The following HPSE2 variants were observed in gnomAD, a reference collection of about 807,000 sequenced individuals.
HPSE2 encodes the protein heparanase 2 (inactive).
HPSE2 carries 38 observed loss-of-function variants against 60.5 expected under a neutral mutation model. The observed-to-expected ratio is 0.63, with a 90% CI of 0.48 to 0.82. The LOEUF is 0.82. Among genes scored for constraint, HPSE2 ranks in the 40% least tolerant of loss-of-function variants. The probability of loss-of-function intolerance (pLI) is 0.00; values close to 1 mark genes in which losing one functional copy is unlikely to be tolerated. For synonymous variants in HPSE2, 295 were observed against 293.2 expected (o/e 1.01, Z -0.06); for missense variants, 713 against 740.4 (o/e 0.96, Z 0.43).
At chr10:99,304,953 G>C in the HPSE2 span, among the ~76,000 whole-genome samples, 2 of 152,194 alleles carry the variant, frequency 1.3e-5, no homozygotes, top group Admixed American at 6.5e-5. Flanking sequence ...GAATTTTCTA[G>C]AGTCTATGAA....
intron 4 of HPSE2, among the ~76,000 whole-genome samples, chr10:98,731,401 A>G (rs1055679913): frequency 6.6e-6 from 1 of 152,230 alleles, no homozygotes; most frequent in Admixed American, 6.5e-5. Context: ...CAACATATGA[A>G]AAGTATTATA....
At chr10:98,683,249 G>C (rs889636465) in intron 6 of HPSE2, among the ~76,000 whole-genome samples, 1 of 151,892 alleles carries the variant, frequency 6.6e-6, no homozygotes. Flanking sequence ...AGAGATTCAG[G>C]GACCATCAGA....
At chr10:99,190,271 T>C (rs1329951525) in intron 2 of HPSE2, among the ~76,000 whole-genome samples, 3 of 152,226 alleles carry the variant, frequency 2.0e-5, no homozygotes, top group African/African-American at 7.2e-5. Context: ...GGGTTAGATG[T>C]CTTTACTTCA....
chr10:98,713,052 A>T (rs1948711985), intron 5 of HPSE2, among the ~76,000 whole-genome samples: 1 of 152,040 alleles, frequency 6.6e-6, no homozygotes, highest in Admixed American at 6.6e-5. Context: ...TGACTCAAGA[A>T]AGCACTCTGA....
At chr10:98,478,643 G>C (rs1298126524) in intron 11 of HPSE2, among the ~76,000 whole-genome samples, 4 of 152,172 alleles carry the variant, frequency 2.6e-5, no homozygotes, top group Non-Finnish European at 5.9e-5. Context: ...TTGGTTTTCT[G>C]TCATTTTGGA....
chr10:98,690,599 T>A (rs770845434), intron 6 of HPSE2, among the ~76,000 whole-genome samples: 2 of 151,890 alleles, frequency 1.3e-5, no homozygotes, highest in African/African-American at 4.8e-5. Flanking sequence ...TAAAAGTAGA[T>A]CTCATGCAGT....
At chr10:98,549,770 T>C (rs1411869023) in intron 9 of HPSE2, among the ~76,000 whole-genome samples, 1 of 152,180 alleles carries the variant, frequency 6.6e-6, no homozygotes, top group African/African-American at 2.4e-5. Context: ...TTCTTGAAAC[T>C]CTCTTCCTTT....
intron 11 of HPSE2, among the ~76,000 whole-genome samples, chr10:98,472,399 T>C (rs1296882869): frequency 6.6e-6 from 1 of 152,174 alleles, no homozygotes; most frequent in African/African-American, 2.4e-5. Context: ...TTGTCTTTCC[T>C]GCTGAGGGGC....
intron 6 of HPSE2, among the ~76,000 whole-genome samples, chr10:98,670,093 A>G (rs1947467577): frequency 6.6e-6 from 1 of 152,172 alleles, no homozygotes; most frequent in Non-Finnish European, 1.5e-5. Flanking sequence ...CGTCATTGTC[A>G]TGTTTCAAGG....
At chr10:99,211,814 G>T (rs1387043312) in intron 2 of HPSE2, among the ~76,000 whole-genome samples, 5 of 151,840 alleles carry the variant, frequency 3.3e-5, no homozygotes, top group African/African-American at 1.2e-4. Context: ...TAATTTTTTG[G>T]ATATGAACAG....
chr10:98,937,646 C>T lies in HPSE2; in HGVS notation c.611-193590G>A, dbSNP rs867112512. On this transcript the variant is annotated intron_variant, in intron 3 of 11. Coordinates refer to ENST00000370552, the MANE Select transcript of HPSE2 (RefSeq NM_021828.5). ...GGCCTGCCTGCCTCTGTAGGCTCCA[C>T]CTCTGGGGGCAGGGCACAGACAAAC... Among the ~76,000 whole-genome samples, 47 of 143,060 alleles carry T rather than the reference C, an allele frequency of 3.3e-4. 8 individuals are homozygous for T. The highest frequency in any genetic ancestry group is 1.1e-3 in the African/African-American group (37 of 34,870). The allele number at this position is 143,060 out of a possible 152,430, so 93.9% of individuals were successfully genotyped here.
the HPSE2 span, among the ~76,000 whole-genome samples, chr10:99,244,568 ATTTTTT>A: frequency 1.4e-4 from 10 of 73,718 alleles, no homozygotes; most frequent in South Asian, 6.5e-4. Context: ...CTATGCCTGG[ATTTTTT>A]TTTTTTTTTT....
chr10:98,914,159 C>T (rs1310410695), intron 3 of HPSE2, among the ~76,000 whole-genome samples: 2 of 152,116 alleles, frequency 1.3e-5, no homozygotes, highest in Non-Finnish European at 2.9e-5. Flanking sequence ...CTTTCCTGTG[C>T]TGTTCTTGTG....
intron 3 of HPSE2, among the ~76,000 whole-genome samples, chr10:98,863,713 T>C (rs1433061245): frequency 6.6e-6 from 1 of 152,192 alleles, no homozygotes; most frequent in East Asian, 1.9e-4. Flanking sequence ...TAACTGTCAT[T>C]TATAAGTGTG....
At chr10:99,251,011 T>C in the HPSE2 span, among the ~76,000 whole-genome samples, 2 of 152,042 alleles carry the variant, frequency 1.3e-5, no homozygotes, top group South Asian at 2.1e-4. Context: ...CAGAGCAGAA[T>C]TGAGCTAAAT....
At chr10:99,193,261 A>T (rs1848282802) in intron 2 of HPSE2, among the ~76,000 whole-genome samples, 1 of 152,070 alleles carries the variant, frequency 6.6e-6, no homozygotes, top group Non-Finnish European at 1.5e-5. Context: ...GGTAACCTCA[A>T]ATCAAAAAGC....
intron 11 of HPSE2, chr10:98,461,927 A>G (rs1724730187): frequency 1.2e-6 from 1 of 839,782 alleles, no homozygotes; most frequent in South Asian, 1.4e-5. Flanking sequence ...TTGGTTGGTT[A>G]AAAAGCTAAG....
the HPSE2 span, among the ~76,000 whole-genome samples, chr10:99,248,783 C>T: frequency 6.6e-6 from 1 of 152,218 alleles, no homozygotes; most frequent in Non-Finnish European, 1.5e-5. Flanking sequence ...AGACCCAGGA[C>T]CCCAATGCCC....
At chr10:98,677,031 A>G (rs1947662379) in intron 6 of HPSE2, among the ~76,000 whole-genome samples, 2 of 151,578 alleles carry the variant, frequency 1.3e-5, no homozygotes, top group Admixed American at 1.3e-4. Context: ...TCTGGGGCCC[A>G]TGAGAATTTT....
Sources: allele counts gnomAD v4.1 joint callset (sites outside exome capture counted in the v4.1 genomes callset), GRCh38; gene constraint gnomAD v4.1.1; transcripts MANE v1.5; gene names NCBI Gene and HGNC (gene_info 2026-07-23, HGNC 2026-07-21).